Variants in DOCK8 observed in about 807,000 individuals in gnomAD.
DOCK8 encodes the protein dedicator of cytokinesis 8.
Under a neutral mutation model 245.6 loss-of-function variants are expected in DOCK8, and 141 were observed. The observed-to-expected ratio is 0.57, with a 90% CI of 0.50 to 0.66. DOCK8 has a LOEUF of 0.66. DOCK8 is among the 30% of genes least tolerant of loss of function. The probability of loss-of-function intolerance (pLI) is 0.00; values close to 1 mark genes in which losing one functional copy is unlikely to be tolerated. For synonymous variants in DOCK8, 1,168 were observed against 970.2 expected (o/e 1.20, Z -3.79); for missense variants, 2,965 against 2,603.4 (o/e 1.14, Z -3.02).
chr9:211,708 G>A (rs2046622154), upstream of DOCK8, among the ~76,000 whole-genome samples: 1 of 152,134 alleles, frequency 6.6e-6, no homozygotes, highest in Non-Finnish European at 1.5e-5. Flanking sequence ...AAAGTTCAGA[G>A]AGAGGCAAGC....
chr9:281,122 C>G (rs997650487), intron 2 of DOCK8, among the ~76,000 whole-genome samples: 1 of 151,964 alleles, frequency 6.6e-6, no homozygotes, highest in Non-Finnish European at 1.5e-5. Context: ...GGCGTGGTGG[C>G]GCATGCCTGT....
intron 24 of DOCK8, among the ~76,000 whole-genome samples, chr9:394,672 T>A (rs2054362891): frequency 6.6e-6 from 1 of 152,222 alleles, no homozygotes; most frequent in South Asian, 2.1e-4. Flanking sequence ...ATGGGTGACC[T>A]AGTTTACTCA....
intron 1 of DOCK8, among the ~76,000 whole-genome samples, chr9:254,712 A>G (rs1208119027): frequency 6.6e-6 from 1 of 152,200 alleles, no homozygotes; most frequent in Non-Finnish European, 1.5e-5. Flanking sequence ...CTTCCATTTG[A>G]GTGAGCACCA....
rs572244503 is a variant in DOCK8 at position 329,902 on chromosome 9, A to G, written c.1044+1731A>G. ...TAAAGTGTTTGGATAGGTTTAAGAA[A>G]TTGAAATCTACTCAGCAAGACAGCC... On this transcript the variant is annotated intron_variant, in intron 9 of 47. Transcript: ENST00000432829. Among the ~76,000 whole-genome samples, 10 of 152,358 alleles carry G rather than the reference A, an allele frequency of 6.6e-5. No individual in the cohort carries two copies. In the East Asian group the frequency reaches 1.3e-3, roughly 21 times the overall value.
At chr9:412,203 A>G (rs1328048806) in intron 28 of DOCK8, among the ~76,000 whole-genome samples, 1 of 152,174 alleles carries the variant, frequency 6.6e-6, no homozygotes, top group Non-Finnish European at 1.5e-5. Flanking sequence ...CAGGAGACTG[A>G]GAACACCCTG....
rs927744244 is a variant in DOCK8, at chr9:227,064, C to T, written c.53+12035C>T. ...CGCCAATATGTCATGAGTGTTATCT[C>T]TGGGTAGTAGAATTATTGATGACTT... On this transcript the variant is annotated intron_variant, in intron 1 of 47. Transcript: ENST00000432829. Among the ~76,000 whole-genome samples the T allele has an allele frequency of 6.6e-5, 10 of 152,084 alleles. 1 individual carries two copies. Among genetic ancestry groups the T allele is most frequent in the African/African-American group, 2.4e-4 (10 of 41,372 alleles).
chr9:401,347 C>T (rs951114782), intron 26 of DOCK8, among the ~76,000 whole-genome samples: 4 of 152,110 alleles, frequency 2.6e-5, no homozygotes, highest in Non-Finnish European at 5.9e-5. Flanking sequence ...AGCCATAGGC[C>T]TGCAGTGAGG....
chr9:289,655 A>T, intron 4 of DOCK8, 74 bp downstream of exon 4: 1 of 1,345,116 alleles, frequency 7.4e-7, no homozygotes, highest in Non-Finnish European at 1.0e-6. Context: ...ATTTCTTAAT[A>T]CTTTGAACAG....
At position 429,758 on chromosome 9, in the gene DOCK8, A is replaced by G; in HGVS notation, c.4530A>G (p.Gln1510=). ...AACAGTGTTTCGACCTATGTCACCA[A>G]GTCCTGCACCACTGCAGCAGCAGCA... ...EVEQCFDLCH[Q]VLHHCSSSMD... Residue 1510 remains glutamine (Q), a synonymous_variant, in exon 36 of 48, where the codon CAA becomes CAG. Transcript: ENST00000432829. The G allele has an allele frequency of 1.9e-6, 3 of 1,614,202 alleles. No individual in the cohort carries two copies. Among genetic ancestry groups the G allele is most frequent in the Non-Finnish European group, 2.5e-6 (3 of 1,180,038 alleles).
intron 1 of DOCK8, among the ~76,000 whole-genome samples, chr9:253,594 G>T (rs11792508): frequency 0.1 from 15,199 of 152,186 alleles, 849 homozygotes; most frequent in African/African-American, 0.15. Flanking sequence ...AAGACTAAAA[G>T]TTATGCTAAT....
intron 26 of DOCK8, among the ~76,000 whole-genome samples, chr9:401,208 G>C (rs910876845): frequency 1.3e-5 from 2 of 151,010 alleles, no homozygotes; most frequent in African/African-American, 2.5e-5. Context: ...AATAAGAAGG[G>C]GGGGTTGAGA....
intron 11 of DOCK8, among the ~76,000 whole-genome samples, 190 bp downstream of exon 11, chr9:334,574 C>T (rs1162404219): frequency 6.6e-6 from 1 of 152,154 alleles, no homozygotes; most frequent in South Asian, 2.1e-4. Context: ...AAGAAATTAT[C>T]ACGAACATTG....
intron 1 of DOCK8, among the ~76,000 whole-genome samples, chr9:231,707 A>G (rs1012266339): frequency 1.3e-5 from 2 of 152,010 alleles, no homozygotes; most frequent in Non-Finnish European, 2.9e-5. Flanking sequence ...TTTGTCTGTT[A>G]TTGGTGTATA....
chr9:306,544 G>C (rs1233155443), intron 5 of DOCK8, among the ~76,000 whole-genome samples: 1 of 152,130 alleles, frequency 6.6e-6, no homozygotes, highest in Non-Finnish European at 1.5e-5. Context: ...AGAACCAAAA[G>C]GGAAAAATGG....
rs1286928049 is a variant in DOCK8, at chr9:407,034, A to G, written c.3495A>G (p.Thr1165=). ...QQHFLTGLLF[T]ELAAALDAEG... is the part of the protein sequence containing the mutation. The stretch of plus-strand genomic sequence containing the variant: ...ACTTCCTCACCGGGCTCCTCTTCAC[A>G]GAACTGGCTGCTGCCCTGGATGCCG... Residue 1165 remains threonine, a synonymous_variant, in exon 28 of 48, where the codon ACA becomes ACG. Coordinates refer to ENST00000432829, the MANE Select transcript of DOCK8 (RefSeq NM_203447.4). 2.5e-6 allele frequency: 4 copies of G among 1,613,986 alleles called. No individual in the cohort carries two copies. Among genetic ancestry groups the G allele is most frequent in the Non-Finnish European group, 3.4e-6 (4 of 1,180,020 alleles).
At chr9:442,776 A>G (rs2057133418) in intron 42 of DOCK8, among the ~76,000 whole-genome samples, 1 of 151,540 alleles carries the variant, frequency 6.6e-6, no homozygotes, top group African/African-American at 2.5e-5. Flanking sequence ...ACTGCTCACA[A>G]TTAACCAAAG....
intron 1 of DOCK8, among the ~76,000 whole-genome samples, chr9:248,605 C>G (rs1237158885): frequency 6.7e-6 from 1 of 150,078 alleles, no homozygotes; most frequent in East Asian, 2.0e-4. Context: ...CTCTTTCTTT[C>G]TTTCCATCTT....
At chr9:358,990 C>T (rs553948777) in intron 14 of DOCK8, among the ~76,000 whole-genome samples, 1 of 152,314 alleles carries the variant, frequency 6.6e-6, no homozygotes, top group Non-Finnish European at 1.5e-5. Context: ...GTCAGTGCTT[C>T]TCAAACTTGA....
chr9:215,652 C>T (rs1337014897), intron 1 of DOCK8: 2 of 417,908 alleles, frequency 4.8e-6, no homozygotes, highest in East Asian at 4.0e-5. Context: ...AAGAAATGGC[C>T]TGTGGCTGAC....
Sources: gnomAD v4.1 joint callset for allele counts (sites outside exome capture counted in the v4.1 genomes callset) on GRCh38, gnomAD v4.1.1 for gene constraint, MANE v1.5 for transcripts, NCBI Gene and HGNC (gene_info 2026-07-23, HGNC 2026-07-21) for gene names.